Variants in SLC24A3 observed in about 807,000 individuals in gnomAD.
The protein encoded by SLC24A3 is solute carrier family 24 member 3.
A neutral mutation model predicts 75.8 loss-of-function variants in SLC24A3; 28 were observed. The observed-to-expected ratio is 0.37, with a 90% CI of 0.27 to 0.51. SLC24A3 has a LOEUF of 0.51. SLC24A3 is among the 20% of genes least tolerant of loss of function. SLC24A3 has a pLI of 0.94. For missense variants in SLC24A3, 663 were observed against 847.8 expected (o/e 0.78, Z 2.71); for synonymous variants, 372 against 334.1 (o/e 1.11, Z -1.24).
chr20:19,431,685 G>T (rs1469397898), intron 2 of SLC24A3, among the ~76,000 whole-genome samples: 2 of 150,786 alleles, frequency 1.3e-5, no homozygotes, highest in African/African-American at 4.9e-5. Flanking sequence ...AGTTGAAACA[G>T]AAAATCAACA....
At chr20:19,601,506 C>T (rs1191640596) in intron 6 of SLC24A3, among the ~76,000 whole-genome samples, 1 of 152,166 alleles carries the variant, frequency 6.6e-6, no homozygotes, top group African/African-American at 2.4e-5. Flanking sequence ...GATCACAGAC[C>T]CAGGGTGAAC....
At chr20:19,288,278 G>A (rs1045748577) in intron 2 of SLC24A3, among the ~76,000 whole-genome samples, 3 of 152,192 alleles carry the variant, frequency 2.0e-5, no homozygotes, top group Non-Finnish European at 2.9e-5. Flanking sequence ...CAAACAGGAT[G>A]AAATAGGGAG....
At chr20:19,475,129 G>A (rs6081607) in intron 2 of SLC24A3, among the ~76,000 whole-genome samples, 52,635 of 151,754 alleles carry the variant, frequency 0.35, 9,526 homozygotes, top group African/African-American at 0.45. Context: ...ACAAGGTCAG[G>A]AGATCGAAAC....
rs146703589 is a variant in SLC24A3, at chr20:19,540,147, G to A, written c.348+24583G>A. On this transcript the variant is annotated intron_variant, in intron 3 of 16. Transcript: ENST00000328041. ...TTCTGAGCCCCTTCCAGTGTCCTTC[G>A]GTTCAAAGTACTCAGCATACCAAGG... is the stretch of plus-strand genomic sequence containing the variant. 5.3e-5 allele frequency among the ~76,000 whole-genome samples: 8 copies of A among 152,220 alleles called. No homozygotes were observed. In the East Asian group the frequency reaches 1.4e-3, roughly 26 times the overall value.
chr20:19,608,882 A>G (rs1209393283), intron 6 of SLC24A3, among the ~76,000 whole-genome samples: 1 of 152,170 alleles, frequency 6.6e-6, no homozygotes, highest in Non-Finnish European at 1.5e-5. Flanking sequence ...ACATAAGCCA[A>G]TTTTTGGCCA....
intron 2 of SLC24A3, among the ~76,000 whole-genome samples, chr20:19,484,600 T>A (rs1988102743): frequency 6.6e-6 from 1 of 152,134 alleles, no homozygotes; most frequent in African/African-American, 2.4e-5. Flanking sequence ...AAAAGGCAAA[T>A]GCTATATGAG....
At chr20:19,234,266 A>G (rs1345501534) in intron 1 of SLC24A3, among the ~76,000 whole-genome samples, 1 of 152,192 alleles carries the variant, frequency 6.6e-6, no homozygotes, top group African/African-American at 2.4e-5. Flanking sequence ...CCCCTCCCCA[A>G]CCTGCTGAAT....
chr20:19,714,977 G>A (rs1459688715), intron 15 of SLC24A3, among the ~76,000 whole-genome samples: 1 of 152,236 alleles, frequency 6.6e-6, no homozygotes, highest in African/African-American at 2.4e-5. Flanking sequence ...AGGGCAAGCT[G>A]TGCTGGAAAT....
chr20:19,634,835 T>C (rs1455278192), intron 6 of SLC24A3, among the ~76,000 whole-genome samples: 1 of 152,122 alleles, frequency 6.6e-6, no homozygotes, highest in Non-Finnish European at 1.5e-5. Flanking sequence ...TGCAGGGGTA[T>C]ACAACATCTT....
intron 2 of SLC24A3, among the ~76,000 whole-genome samples, chr20:19,343,062 T>C (rs1600438753): frequency 1.0e-5 from 1 of 99,386 alleles, no homozygotes; most frequent in Non-Finnish European, 1.8e-5. Flanking sequence ...AGAACGAGAC[T>C]CCATCTCAAA....
At chr20:19,548,353 A>G (rs2030636291) in intron 3 of SLC24A3, among the ~76,000 whole-genome samples, 1 of 152,228 alleles carries the variant, frequency 6.6e-6, no homozygotes, top group African/African-American at 2.4e-5. Flanking sequence ...CATTAATTAG[A>G]AATTTTCACT....
At chr20:19,231,297 C>G (rs963118211) in intron 1 of SLC24A3, among the ~76,000 whole-genome samples, 1 of 152,170 alleles carries the variant, frequency 6.6e-6, no homozygotes, top group African/African-American at 2.4e-5. Flanking sequence ...TGTTTACGTC[C>G]GAATCCTTGA....
chr20:19,624,103 G>A (rs2031838801), intron 6 of SLC24A3, among the ~76,000 whole-genome samples: 1 of 152,180 alleles, frequency 6.6e-6, no homozygotes, highest in East Asian at 1.9e-4. Context: ...TTTGCTTCAA[G>A]AACTTACTTG....
At chr20:19,688,136 A>C (rs946888458) in intron 12 of SLC24A3, among the ~76,000 whole-genome samples, 14 of 152,142 alleles carry the variant, frequency 9.2e-5, no homozygotes, top group South Asian at 6.2e-4. Flanking sequence ...CCTTCTCACC[A>C]GGGCTTCCTT....
intron 1 of SLC24A3, among the ~76,000 whole-genome samples, chr20:19,216,709 G>A (rs189984481): frequency 3.9e-5 from 6 of 152,306 alleles, no homozygotes; most frequent in Admixed American, 1.3e-4. Context: ...ATGTATGTAT[G>A]TATTTATGTA....
chr20:19,654,539 CAT>C (rs1051393930), intron 7 of SLC24A3, among the ~76,000 whole-genome samples: 31 of 151,884 alleles, frequency 2.0e-4, no homozygotes, highest in African/African-American at 7.0e-4. Flanking sequence ...AACACCCACA[CAT>C]GTCACTTAGC....
chr20:19,657,386 C>T (rs1376838822), intron 7 of SLC24A3, among the ~76,000 whole-genome samples: 1 of 152,208 alleles, frequency 6.6e-6, no homozygotes. Flanking sequence ...AACATCTTCC[C>T]TCACCCACAG....
chr20:19,365,560 T>A (rs185757275), intron 2 of SLC24A3, among the ~76,000 whole-genome samples: 162 of 151,798 alleles, frequency 1.1e-3, no homozygotes, highest in African/African-American at 3.6e-3. Context: ...CACTAGGGGA[T>A]TTTTTTTTGA....
intron 2 of SLC24A3, among the ~76,000 whole-genome samples, chr20:19,308,942 G>A (rs6045983): frequency 0.15 from 23,489 of 152,076 alleles, 4,436 homozygotes; most frequent in African/African-American, 0.43. Context: ...ATCTTTCTAA[G>A]TAAATTTAAT....
Sources: gnomAD v4.1 joint callset for allele counts (sites outside exome capture counted in the v4.1 genomes callset) on GRCh38, gnomAD v4.1.1 for gene constraint, MANE v1.5 for transcripts, NCBI Gene and HGNC (gene_info 2026-07-23, HGNC 2026-07-21) for gene names.